VSNL1: variants seen among roughly 807,000 people sequenced by gnomAD.
VSNL1 encodes the protein visinin like 1.
A neutral mutation model predicts 20.4 loss-of-function variants in VSNL1; 6 were observed. The ratio of observed to expected loss-of-function variants is 0.29; its 90% CI spans 0.16 to 0.58. VSNL1 has a LOEUF of 0.58. Ranked by LOEUF, VSNL1 falls within the 20% of genes least tolerant of loss-of-function variation. VSNL1 has a pLI of 0.90. For synonymous variants in VSNL1, 93 were observed against 86.4 expected (o/e 1.08, Z -0.42); for missense variants, 100 against 234.5 (o/e 0.43, Z 3.75).
At chr2:17,623,282 G>C (rs1298929875) in intron 2 of VSNL1, among the ~76,000 whole-genome samples, 2 of 152,144 alleles carry the variant, frequency 1.3e-5, no homozygotes, top group Admixed American at 1.3e-4. Context: ...TAGGATACTT[G>C]TTCTGTCATA....
chr2:17,540,440 T>C (rs914030162), upstream of VSNL1, among the ~76,000 whole-genome samples: 1 of 152,252 alleles, frequency 6.6e-6, no homozygotes, highest in Non-Finnish European at 1.5e-5. Context: ...CGGACTCCCT[T>C]TTCCTATATA....
intron 1 of VSNL1, among the ~76,000 whole-genome samples, chr2:17,571,227 C>A (rs1028835348): frequency 3.9e-5 from 6 of 152,138 alleles, no homozygotes; most frequent in Non-Finnish European, 4.4e-5. Context: ...TGTTTTGTAA[C>A]CCTCAACCAC....
Position 17,655,097 on chromosome 2 carries a change from G to T in VSNL1, c.379-100G>T. ...TCTGGGGAAAGGGAAGCTGAGGCTT[G>T]GAGGATGGGTGGGATCCCGTCAGGT... On this transcript the variant is annotated intron_variant, in intron 3 of 3. Coordinates refer to ENST00000295156, the MANE Select transcript of VSNL1 (RefSeq NM_003385.5). This position sits in a 1 kb window ranked among gnomAD's most constrained non-coding sequence, Gnocchi z 5.2. 2 of 1,223,978 alleles carry T rather than the reference G, an allele frequency of 1.6e-6. No individual in the cohort carries two copies. The highest frequency in any genetic ancestry group is 2.3e-6 in the Non-Finnish European group (2 of 861,916). 75.8% of individuals were successfully genotyped at this position (1,223,978 alleles called of 1,614,324 possible). A position where few individuals can be genotyped will look rare whatever the true frequency, so the allele number is the denominator to read the frequency against.
chr2:17,626,330 G>T (rs1313093529), intron 2 of VSNL1, among the ~76,000 whole-genome samples: 1 of 152,180 alleles, frequency 6.6e-6, no homozygotes. Context: ...ACCCCTTGGG[G>T]CCTGAGCCAA....
intron 2 of VSNL1, among the ~76,000 whole-genome samples, chr2:17,594,280 A>C (rs1664663829): frequency 6.6e-6 from 1 of 152,162 alleles, no homozygotes; most frequent in South Asian, 2.1e-4. Context: ...TTCTGAACTT[A>C]GGTCTATATT....
Position 17,648,890 on chromosome 2 carries a change from T to C in VSNL1, c.163-520T>C, listed in dbSNP as rs548184441. ...AAGAAAAGTCCCTGCAAAAAGAAGT[T>C]AGAAACTGGAACCTCACCCAGGGAG... On this transcript the variant is annotated intron_variant, in intron 2 of 3. Transcript: ENST00000295156. Among the ~76,000 whole-genome samples the C allele has an allele frequency of 3.9e-5, 6 of 152,300 alleles. No homozygotes were observed. In the East Asian group the frequency reaches 9.6e-4, roughly 24 times the overall value.
chr2:17,545,062 G>T (rs772992109), intron 1 of VSNL1, among the ~76,000 whole-genome samples: 10 of 152,160 alleles, frequency 6.6e-5, no homozygotes, highest in Non-Finnish European at 1.5e-4. Flanking sequence ...GAAAAGCAAT[G>T]ATTTTAATGA....
intron 1 of VSNL1, among the ~76,000 whole-genome samples, chr2:17,571,325 G>A (rs1255852851): frequency 6.6e-6 from 1 of 152,082 alleles, no homozygotes; most frequent in Non-Finnish European, 1.5e-5. Context: ...CCTTTAATCT[G>A]ATTTAAGGTT....
At chr2:17,633,348 C>CAAAAAAAAAAAAAAAAAAAA (rs10706048) in intron 2 of VSNL1, among the ~76,000 whole-genome samples, 1 of 50,538 alleles carries the variant, frequency 2.0e-5, no homozygotes, top group Non-Finnish European at 3.7e-5. Context: ...ACTAAAAATA[C>CAAAAAAAAAAAAAAAAAAAA]AAAAAAAAAA....
chr2:17,627,623 G>T (rs547896491), intron 2 of VSNL1, among the ~76,000 whole-genome samples: 2 of 152,318 alleles, frequency 1.3e-5, no homozygotes, highest in South Asian at 4.1e-4. Flanking sequence ...TGCTGAGTCA[G>T]TTCCTGTGTT....
intron 2 of VSNL1, among the ~76,000 whole-genome samples, chr2:17,605,472 G>A (rs571747614): frequency 2.3e-4 from 35 of 152,338 alleles, no homozygotes; most frequent in Admixed American, 9.1e-4. Context: ...CCAGCGACTC[G>A]GCGGGTAAGC....
intron 2 of VSNL1, among the ~76,000 whole-genome samples, chr2:17,613,813 A>G (rs1665148375): frequency 6.6e-6 from 1 of 152,212 alleles, no homozygotes; most frequent in African/African-American, 2.4e-5. Context: ...TTCATCCCAT[A>G]GAAATGTAAA....
chr2:17,591,767 T>A (rs1283520603), intron 1 of VSNL1, among the ~76,000 whole-genome samples: 2 of 152,134 alleles, frequency 1.3e-5, no homozygotes, highest in Non-Finnish European at 2.9e-5. Context: ...AACTTCTATA[T>A]GCTTACTATG....
rs555027493 is a variant in VSNL1, at chr2:17,609,075, CA to C, written c.162+16840del. ...TAAGTTTAACTGTGACAGAGACTCA[CA>C]TGGTGTCGACATGACTGAAGATTAA... On this transcript the variant is annotated intron_variant, in intron 2 of 3. Coordinates refer to ENST00000295156, the MANE Select transcript of VSNL1 (RefSeq NM_003385.5). Among the ~76,000 whole-genome samples, 412 of 152,278 alleles carry C rather than the reference CA, an allele frequency of 2.7e-3. 1 individual carries two copies. The highest frequency in any genetic ancestry group is 4.3e-3 in the Non-Finnish European group (293 of 68,026).
At position 17,605,839 on chromosome 2, in the gene VSNL1, T is replaced by C. The variant is rs191291052; in HGVS notation, c.162+13603T>C. 1.6e-3 allele frequency among the ~76,000 whole-genome samples: 240 copies of C among 152,304 alleles called. 1 individual carries two copies. Among genetic ancestry groups the C allele is most frequent in the African/African-American group, 5.0e-3 (208 of 41,566 alleles). ...GTTGGCTTTACCACATAAAACACCA[T>C]AGAAAACCAGATACTTTACGTCCTT... On this transcript the variant is annotated intron_variant, in intron 2 of 3. Coordinates refer to ENST00000295156, the MANE Select transcript of VSNL1 (RefSeq NM_003385.5).
intron 1 of VSNL1, among the ~76,000 whole-genome samples, chr2:17,582,565 T>C (rs1397045945): frequency 6.6e-6 from 1 of 152,082 alleles, no homozygotes; most frequent in East Asian, 1.9e-4. Flanking sequence ...TCTACCAACT[T>C]CTTAACTTGT....
At chr2:17,558,403 C>T (rs1241347115) in intron 1 of VSNL1, among the ~76,000 whole-genome samples, 1 of 152,092 alleles carries the variant, frequency 6.6e-6, no homozygotes, top group African/African-American at 2.4e-5. Flanking sequence ...TCATTTGATG[C>T]CTGGCCTTTA....
At chr2:17,609,522 C>G (rs1665032465) in intron 2 of VSNL1, among the ~76,000 whole-genome samples, 1 of 152,178 alleles carries the variant, frequency 6.6e-6, no homozygotes, top group South Asian at 2.1e-4. Context: ...CTGTCATCAG[C>G]CTCTCTTCTG....
intron 2 of VSNL1, among the ~76,000 whole-genome samples, chr2:17,619,115 C>T (rs76666882): frequency 0.073 from 11,125 of 152,250 alleles, 575 homozygotes; most frequent in Non-Finnish European, 0.11. Flanking sequence ...CTCACAAGGT[C>T]CAAGAGGCTG....
Sources: gnomAD v4.1 joint callset for allele counts (sites outside exome capture counted in the v4.1 genomes callset) on GRCh38, gnomAD v4.1.1 for gene constraint, Gnocchi (gnomAD v3.1) non-coding constraint, MANE v1.5 for transcripts, NCBI Gene and HGNC (gene_info 2026-07-23, HGNC 2026-07-21) for gene names.